HK2: variants seen among roughly 807,000 people sequenced by gnomAD.
HK2 encodes hexokinase-2.
Under a neutral mutation model 92.9 loss-of-function variants are expected in HK2, and 42 were observed. The observed-to-expected ratio is 0.45, with a 90% CI of 0.35 to 0.58. The LOEUF (loss-of-function observed/expected upper bound fraction) is 0.58, where lower values mean the gene tolerates loss of function less well. HK2 is among the 20% of genes least tolerant of loss of function. HK2 has a pLI of 0.00. For missense variants in HK2, 978 were observed against 1,245.1 expected (o/e 0.79, Z 3.23); for synonymous variants, 422 against 468.0 (o/e 0.90, Z 1.27).
At chr2:74,843,335 A>C (rs1308431316) in intron 1 of HK2, among the ~76,000 whole-genome samples, 1 of 152,056 alleles carries the variant, frequency 6.6e-6, no homozygotes, top group Admixed American at 6.5e-5. Context: ...GGGATTCTGC[A>C]TGTGCAACCC....
At chr2:74,846,138 A>G (rs1023796792) in intron 1 of HK2, among the ~76,000 whole-genome samples, 2 of 152,266 alleles carry the variant, frequency 1.3e-5, no homozygotes, top group African/African-American at 4.8e-5. Context: ...ATGCAAAAAT[A>G]TGAAATTCTT....
At chr2:74,879,611 GTC>G (rs1486925306) in intron 9 of HK2, among the ~76,000 whole-genome samples, 1 of 152,182 alleles carries the variant, frequency 6.6e-6, no homozygotes, top group Non-Finnish European at 1.5e-5. Context: ...TCTGGGGTGA[GTC>G]TGAGATCCCG....
intron 8 of HK2, among the ~76,000 whole-genome samples, chr2:74,877,852 T>G (rs1000797773): frequency 3.9e-5 from 6 of 152,222 alleles, no homozygotes; most frequent in Non-Finnish European, 8.8e-5. Context: ...TTTTTGTTGT[T>G]GTTAACAATA....
intron 15 of HK2, 87 bp downstream of exon 15, chr2:74,886,760 G>T: frequency 7.3e-7 from 1 of 1,372,564 alleles, no homozygotes; most frequent in Non-Finnish European, 1.0e-6. Flanking sequence ...CATCTCCCAG[G>T]ACGCCGGTTC....
chr2:74,858,318 C>T (rs1040520972), intron 2 of HK2, among the ~76,000 whole-genome samples: 1 of 152,156 alleles, frequency 6.6e-6, no homozygotes, highest in Non-Finnish European at 1.5e-5. Flanking sequence ...TCTAGATGAG[C>T]ATTTCCTTTC....
In HK2 at chr2:74,891,538, A is replaced by G. The variant is rs1299051246; in HGVS notation, c.*597A>G. ...GATTCCAGCATTTGCCATTCCTGGAATCAAGGAATCCTGAGTCTGGGCAAT... is the reference window on the plus strand; with the variant it reads ...GATTCCAGCATTTGCCATTCCTGGAGTCAAGGAATCCTGAGTCTGGGCAAT... On this transcript the variant is annotated 3_prime_UTR_variant, in exon 18 of 18. Coordinates refer to ENST00000290573, the MANE Select transcript of HK2 (RefSeq NM_000189.5). 6.5e-6 allele frequency: 1 copy of G among 153,520 alleles called. No individual in the cohort carries two copies. Among genetic ancestry groups the G allele is most frequent in the African/African-American group, 2.4e-5 (1 of 41,446 alleles). The allele number at this position is 153,520 out of a possible 1,614,324, so 9.5% of individuals were successfully genotyped here.
Position 74,891,091 on chromosome 2 carries a change from T to C in HK2, c.*150T>C. On this transcript the variant is annotated 3_prime_UTR_variant, in exon 18 of 18. Coordinates refer to ENST00000290573, the MANE Select transcript of HK2 (RefSeq NM_000189.5). ...GACTGGGTTTTGTCTCTGCATCTCA[T>C]TGTAGAGCTTGGTGGCTGAGCTTGG... is the stretch of plus-strand genomic sequence containing the variant. The C allele has an allele frequency of 1.2e-6, 1 of 838,228 alleles. No homozygotes were observed. 51.9% of individuals were successfully genotyped at this position (838,228 alleles called of 1,614,324 possible).
At chr2:74,856,082 G>C (rs1688689971) in intron 2 of HK2, among the ~76,000 whole-genome samples, 1 of 152,110 alleles carries the variant, frequency 6.6e-6, no homozygotes, top group South Asian at 2.1e-4. Flanking sequence ...CAGTGTCCAA[G>C]AATCTAAGGG....
Position 74,867,676 on chromosome 2 carries a change from C to A in HK2, c.267C>A (p.Asn89Lys), listed in dbSNP as rs1398080685. 1 of 1,613,902 alleles carries A rather than the reference C, an allele frequency of 6.2e-7. No homozygotes were observed. The highest frequency in any genetic ancestry group is 1.3e-5 in the African/African-American group (1 of 74,916). The change falls in exon 3 of 18, where the codon AAC (asparagine) becomes AAA (lysine). Residue 89 changes from asparagine (N) to lysine (K), a missense_variant. Physicochemically the swap from Asn to Lys is moderately conservative, Grantham distance 94. Coordinates refer to ENST00000290573, the MANE Select transcript of HK2 (RefSeq NM_000189.5). The part of the protein sequence containing the change: ...EFLALDLGGT[N>K]FRVLWVKVTD... Reference sequence around the variant, plus strand: ...TGGCTCTGGATCTTGGAGGGACCAACTTCCGTGTGCTTTGGGTGAAAGTAA... The same window carrying A: ...TGGCTCTGGATCTTGGAGGGACCAAATTCCGTGTGCTTTGGGTGAAAGTAA...
At position 74,834,814 on chromosome 2, in the gene HK2, GCA is replaced by G. The variant is rs1181962056; in HGVS notation, c.63+174_63+175del. On this transcript the variant is annotated intron_variant, in intron 1 of 17. Transcript: ENST00000290573. This position sits in a 1 kb window ranked among gnomAD's most constrained non-coding sequence, Gnocchi z 4.2. ...GGGCGCCAGGAGCCACGTCCGCTAA[GCA>G]CAGCCGGCGAGTGCGCGCGGGCGGG... Among the ~76,000 whole-genome samples the G allele has an allele frequency of 6.8e-6, 1 of 147,476 alleles. No individual in the cohort carries two copies. The highest frequency in any genetic ancestry group is 1.5e-5 in the Non-Finnish European group (1 of 64,544).
chr2:74,868,817 CG>C (rs562734049), intron 3 of HK2, among the ~76,000 whole-genome samples: 36 of 152,152 alleles, frequency 2.4e-4, no homozygotes, highest in Non-Finnish European at 4.3e-4. Context: ...AGACTTGTAA[CG>C]TGATGGTGAC....
intron 2 of HK2, among the ~76,000 whole-genome samples, chr2:74,864,231 T>C (rs1409344711): frequency 2.0e-5 from 3 of 152,214 alleles, no homozygotes; most frequent in Admixed American, 2.0e-4. Flanking sequence ...CTGACCTTCT[T>C]AAGAACGAAA....
At chr2:74,851,383 TTATC>T (rs1442788387) in intron 1 of HK2, among the ~76,000 whole-genome samples, 4 of 152,210 alleles carry the variant, frequency 2.6e-5, no homozygotes, top group Non-Finnish European at 4.4e-5. Flanking sequence ...TGGAAGATGG[TTATC>T]TATGGGGCAA....
intron 1 of HK2, among the ~76,000 whole-genome samples, chr2:74,842,890 G>T (rs1349066859): frequency 6.6e-6 from 1 of 152,228 alleles, no homozygotes; most frequent in Non-Finnish European, 1.5e-5. Context: ...TGATCACAGG[G>T]TTAGTTCCAG....
chr2:74,866,516 A>C (rs1284258053), intron 2 of HK2, among the ~76,000 whole-genome samples: 1 of 152,130 alleles, frequency 6.6e-6, no homozygotes, highest in Non-Finnish European at 1.5e-5. Flanking sequence ...CCTCTTCAGC[A>C]CTTTCATTCT....
At chr2:74,870,217 C>A (rs1274718811) in intron 3 of HK2, among the ~76,000 whole-genome samples, 1 of 151,986 alleles carries the variant, frequency 6.6e-6, no homozygotes, top group Non-Finnish European at 1.5e-5. Context: ...TTTTGAATCA[C>A]CATGTTGGCT....
chr2:74,846,737 C>T (rs1688450421), intron 1 of HK2, among the ~76,000 whole-genome samples: 1 of 152,192 alleles, frequency 6.6e-6, no homozygotes, highest in African/African-American at 2.4e-5. Flanking sequence ...TCACTACAGC[C>T]TTGACCTCCT....
intron 16 of HK2, 133 bp downstream of exon 16, chr2:74,888,191 A>G (rs373020594): frequency 3.3e-6 from 3 of 913,732 alleles, no homozygotes; most frequent in East Asian, 2.4e-5. Flanking sequence ...ATTCATGTCT[A>G]TAGTGTTTAC....
At position 74,885,594 on chromosome 2, in the gene HK2, G is replaced by C; in HGVS notation, c.1935+5G>C. 6.3e-7 allele frequency: 1 copy of C among 1,595,766 alleles called. No homozygotes were observed. Among genetic ancestry groups the C allele is most frequent in the Non-Finnish European group, 8.6e-7 (1 of 1,163,234 alleles). On this transcript the variant is annotated splice_donor_5th_base_variant and intron_variant, in intron 13 of 17. Coordinates refer to ENST00000290573, the MANE Select transcript of HK2 (RefSeq NM_000189.5). ...GAAGCGATCCACCGGCGAGAGGTAG[G>C]AGACACATGGCACGAGGTCTGATGT...
Sources: gnomAD v4.1 joint callset for allele counts (sites outside exome capture counted in the v4.1 genomes callset) on GRCh38, gnomAD v4.1.1 for gene constraint, Gnocchi (gnomAD v3.1) non-coding constraint, MANE v1.5 for transcripts, NCBI Gene and HGNC (gene_info 2026-07-23, HGNC 2026-07-21) for gene names.